CATSPERG: variants seen among roughly 807,000 people sequenced by gnomAD.
CATSPERG encodes cation channel sperm-associated auxiliary subunit gamma.
A neutral mutation model predicts 145.0 loss-of-function variants in CATSPERG; 115 were observed. The observed-to-expected ratio is 0.79, with a 90% CI of 0.68 to 0.93. The LOEUF is 0.93. Among genes scored for constraint, CATSPERG ranks in the 40% least tolerant of loss-of-function variants. The pLI is 0.00. For synonymous variants in CATSPERG, 588 were observed against 589.0 expected (o/e 1.00, Z 0.02); for missense variants, 1,296 against 1,490.1 (o/e 0.87, Z 2.14).
chr19:38,346,560 C>G lies in CATSPERG; in HGVS notation c.780C>G (p.Tyr260Ter). The G allele has an allele frequency of 6.4e-7, 1 of 1,551,604 alleles. No individual in the cohort carries two copies. Among genetic ancestry groups the G allele is most frequent in the South Asian group, 1.2e-5 (1 of 84,062 alleles). Residue 260 changes from tyrosine (Y) to a stop codon, truncating the protein, a stop_gained, in exon 7 of 29, where the codon TAC becomes TAG. Transcript: ENST00000409235. LOFTEE classifies it high-confidence loss of function. Reference sequence around the variant, plus strand: ...TGGGAGGCATTCCCAATGAGAAGTACGTCCTGATGACTGACACCAGCTTCA... The same window carrying G: ...TGGGAGGCATTCCCAATGAGAAGTAGGTCCTGATGACTGACACCAGCTTCA... Reference protein sequence around the residue: ...LILGGIPNEKYVLMTDTSFKD... With the variant: ...LILGGIPNEK
At position 38,353,355 on chromosome 19, in the gene CATSPERG, C is replaced by T. The variant is rs913154428; in HGVS notation, c.997+923C>T. Among the ~76,000 whole-genome samples, 14 of 149,422 alleles carry T rather than the reference C, an allele frequency of 9.4e-5. 1 individual carries two copies. Among genetic ancestry groups the T allele is most frequent in the Non-Finnish European group, 7.4e-5 (5 of 67,394 alleles). ...TTTAAAAAAAAGAGAGAGGAAAAAGCGAGAGAGATGAAAAAGAGAGACTAT... is the reference window on the plus strand; with the variant it reads ...TTTAAAAAAAAGAGAGAGGAAAAAGTGAGAGAGATGAAAAAGAGAGACTAT... On this transcript the variant is annotated intron_variant, in intron 8 of 28. Coordinates refer to ENST00000409235, the MANE Select transcript of CATSPERG (RefSeq NM_021185.5).
At chr19:38,346,072 G>C (rs1331476428) in intron 6 of CATSPERG, among the ~76,000 whole-genome samples, 1 of 152,192 alleles carries the variant, frequency 6.6e-6, no homozygotes, top group Non-Finnish European at 1.5e-5. Flanking sequence ...AGGGCAACGG[G>C]AGTTGGGTCT....
Position 38,367,794 on chromosome 19 carries a change from C to G in CATSPERG, c.2930+18C>G. ...CTGGACAAGTAATCCCCGTGGGGTC[C>G]CACGTGTAATCCACCTTGCTTCCCC... On this transcript the variant is annotated intron_variant, in intron 25 of 28. Coordinates refer to ENST00000409235, the MANE Select transcript of CATSPERG (RefSeq NM_021185.5). The G allele has an allele frequency of 6.2e-7, 1 of 1,606,650 alleles. No homozygotes were observed. The highest frequency in any genetic ancestry group is 8.5e-7 in the Non-Finnish European group (1 of 1,173,466).
intron 20 of CATSPERG, 114 bp from the exon 21 acceptor site, chr19:38,364,777 G>A (rs766524006): frequency 5.4e-5 from 45 of 839,798 alleles, no homozygotes; most frequent in Admixed American, 9.1e-5. Context: ...GCAGCCTTCC[G>A]TTTTCCTACC....
intron 6 of CATSPERG, among the ~76,000 whole-genome samples, chr19:38,344,872 CACACACACACATAT>C (rs1424220877): frequency 1.1e-4 from 10 of 89,002 alleles, no homozygotes; most frequent in African/African-American, 3.4e-4. Context: ...CACACACACA[CACACACACACATAT>C]ATATATATAT....
In CATSPERG at chr19:38,337,028, A is replaced by G. The variant is rs1969850902; in HGVS notation, c.-14-193A>G. On this transcript the variant is annotated intron_variant, in intron 1 of 28. Transcript: ENST00000409235. ...GAACAAGAGCAGAGGCGGGGCTAAA[A>G]GTCCGTGCGGGGGCAGGGCCAGGAG... The G allele has an allele frequency of 4.5e-6, 3 of 664,898 alleles. No homozygotes were observed. In the South Asian group the frequency reaches 5.8e-5, roughly 13 times the overall value. 41.2% of individuals were successfully genotyped at this position (664,898 alleles called of 1,614,324 possible). A position where few individuals can be genotyped will look rare whatever the true frequency, so the allele number is the denominator to read the frequency against.
At chr19:38,356,683 G>A (rs1166785146) in intron 10 of CATSPERG, 59 bp from the exon 11 acceptor site, 1 of 1,606,102 alleles carries the variant, frequency 6.2e-7, no homozygotes, top group East Asian at 2.2e-5. Flanking sequence ...GGTACAGCTG[G>A]CACAGGACCA....
chr19:38,364,618 C>G (rs1970415759), intron 20 of CATSPERG, among the ~76,000 whole-genome samples: 1 of 152,244 alleles, frequency 6.6e-6, no homozygotes, highest in African/African-American at 2.4e-5. Flanking sequence ...CCACTGCACT[C>G]CAGCCTGGAC....
chr19:38,360,793 G>C lies in CATSPERG; in HGVS notation c.1830G>C (p.Gln610His), dbSNP rs118188687. Residue 610 changes from glutamine to histidine, a missense_variant, in exon 16 of 29, where the codon CAG becomes CAC. By Grantham distance (24) the Gln-to-His change is conservative. Transcript: ENST00000409235. Reference protein sequence around the residue: ...QLVKRLVPVEQLLMYQQHTSH... With the variant: ...QLVKRLVPVEHLLMYQQHTSH... ...TCAAGAGGCTCGTGCCCGTGGAGCA[G>C]CTTCTGATGTATCAACAGCACACCA... 520 of 1,612,010 alleles carry C rather than the reference G, an allele frequency of 3.2e-4. 6 individuals are homozygous for C. In the East Asian group the frequency reaches 8.1e-3, roughly 25 times the overall value.
At chr19:38,362,036 G>A (rs1970356390) in intron 17 of CATSPERG, 174 bp from the exon 18 acceptor site, 1 of 932,722 alleles carries the variant, frequency 1.1e-6, no homozygotes, top group Non-Finnish European at 1.6e-6. Flanking sequence ...CCAGGGGAAG[G>A]CGTTGGGGGT....
chr19:38,359,360 G>A, intron 13 of CATSPERG, 110 bp from the exon 14 acceptor site: 1 of 675,092 alleles, frequency 1.5e-6, no homozygotes, highest in Non-Finnish European at 2.7e-6. Flanking sequence ...AGCTTCCTTT[G>A]CATGTTCTTA....
At position 38,364,991 on chromosome 19, in the gene CATSPERG, G is replaced by A; in HGVS notation, c.2556+20G>A. The A allele has an allele frequency of 6.2e-7, 1 of 1,613,582 alleles. No individual in the cohort carries two copies. The highest frequency in any genetic ancestry group is 8.5e-7 in the Non-Finnish European group (1 of 1,179,492). On this transcript the variant is annotated intron_variant, in intron 21 of 28. Transcript: ENST00000409235. ...GTCAATGTGAGGTCCAAGCCTGGAG[G>A]GGAGGGTGCAGGATGGTGGGAAAGC...
chr19:38,367,605 G>T, intron 24 of CATSPERG, 33 bp downstream of exon 24: 1 of 1,613,030 alleles, frequency 6.2e-7, no homozygotes, highest in Non-Finnish European at 8.5e-7. Flanking sequence ...GCTAGGGCAG[G>T]TGGAGGGAGT....
At chr19:38,358,015 G>T in intron 11 of CATSPERG, 1 of 466,338 alleles carries the variant, frequency 2.1e-6, no homozygotes. Flanking sequence ...CTACTCCATA[G>T]GCTGAGGTGG....
At chr19:38,350,191 C>T (rs868304524) in intron 7 of CATSPERG, among the ~76,000 whole-genome samples, 12 of 152,264 alleles carry the variant, frequency 7.9e-5, no homozygotes, top group South Asian at 2.1e-4. Context: ...GCAAGGGACA[C>T]TGGGTGGTAC....
In CATSPERG at chr19:38,344,876, CACACACAT is replaced by C. The variant is rs1488949315; in HGVS notation, c.669+510_669+517del. Among the ~76,000 whole-genome samples the C allele has an allele frequency of 1.4e-3, 113 of 79,840 alleles. 3 individuals carry two copies. In the East Asian group the frequency reaches 0.028, roughly 20 times the overall value. The allele number at this position is 79,840 out of a possible 152,430, so 52.4% of individuals were successfully genotyped here. ...GAACAGACACACACACACACACACA[CACACACAT>C]ATATATATATATATATATTTTTTTT... On this transcript the variant is annotated intron_variant, in intron 6 of 28. Transcript: ENST00000409235.
intron 1 of CATSPERG, chr19:38,336,487 C>T (rs1030814030): frequency 1.2e-5 from 3 of 254,810 alleles, no homozygotes; most frequent in Non-Finnish European, 2.4e-5. Flanking sequence ...AAGCCCCGGG[C>T]GAGAAACGGG....
At chr19:38,339,158 G>T (rs1272989757) in intron 3 of CATSPERG, among the ~76,000 whole-genome samples, 1 of 152,206 alleles carries the variant, frequency 6.6e-6, no homozygotes, top group African/African-American at 2.4e-5. Flanking sequence ...ATTGCATTAA[G>T]CACATGATTT....
rs182903865 is a variant in CATSPERG, at chr19:38,360,333, C to A, written c.1609-156C>A. 3 of 985,190 alleles carry A rather than the reference C, an allele frequency of 3.0e-6. No homozygotes were observed. The African/African-American group carries it at 5.2e-5, about 17-fold the overall frequency. 61.0% of individuals were successfully genotyped at this position (985,190 alleles called of 1,614,324 possible). A position where few individuals can be genotyped will look rare whatever the true frequency, so the allele number is the denominator to read the frequency against. On this transcript the variant is annotated intron_variant, in intron 14 of 28. Transcript: ENST00000409235. ...TCAGGGAAGTAGAGCCGTGGCACCA[C>A]AGAGAAAAGGAAGGGGAGCGCCCTT...
Sources: gnomAD v4.1 joint callset for allele counts (sites outside exome capture counted in the v4.1 genomes callset) on GRCh38, gnomAD v4.1.1 for gene constraint, MANE v1.5 for transcripts, NCBI Gene and HGNC (gene_info 2026-07-23, HGNC 2026-07-21) for gene names.